CHRNA2: variants seen among roughly 807,000 people sequenced by gnomAD.
The protein encoded by CHRNA2 is cholinergic receptor nicotinic alpha 2 subunit.
In CHRNA2, 40 loss-of-function variants were observed where a neutral mutation model predicts 45.5. The ratio of observed to expected loss-of-function variants is 0.88; its 90% CI spans 0.68 to 1.15. The LOEUF (loss-of-function observed/expected upper bound fraction) is 1.15. Among genes scored for constraint, CHRNA2 ranks in the 50% most tolerant of loss-of-function variants. The pLI is 0.00. For synonymous variants in CHRNA2, 301 were observed against 296.7 expected (o/e 1.01, Z -0.15); for missense variants, 655 against 701.7 (o/e 0.93, Z 0.75).
At chr8:27,468,477 T>C (rs1417085285) in intron 4 of CHRNA2, among the ~76,000 whole-genome samples, 1 of 152,222 alleles carries the variant, frequency 6.6e-6, no homozygotes, top group African/African-American at 2.4e-5. Context: ...TCTATGACTG[T>C]CTGGACCAGT....
In CHRNA2 at chr8:27,463,659, G is replaced by T; in HGVS notation, c.784C>A (p.Arg262=). The change falls in exon 6 of 7, where the codon CGG becomes AGG. Residue 262 remains arginine (R), a synonymous_variant. Coordinates refer to ENST00000407991, the MANE Select transcript of CHRNA2 (RefSeq NM_000742.4). This position sits in a 1 kb window ranked among gnomAD's most constrained non-coding sequence, Gnocchi z 6.1. ...ATGGTGTAGAAGAGCGGCAGCCGCC[G>T]GATGACGAAGGCGTAGGTGACGTCG... ...YPDVTYAFVI[R]RLPLFYTINL... 1 of 1,614,142 alleles carries T rather than the reference G, an allele frequency of 6.2e-7. No homozygotes were observed. The highest frequency in any genetic ancestry group is 8.5e-7 in the Non-Finnish European group (1 of 1,180,036).
At chr8:27,466,903 C>T (rs934408097) in intron 5 of CHRNA2, among the ~76,000 whole-genome samples, 2 of 152,224 alleles carry the variant, frequency 1.3e-5, no homozygotes, top group African/African-American at 4.8e-5. Flanking sequence ...ACTGCCACCC[C>T]TCACAACTTC....
rs541282922 is a variant in CHRNA2, at chr8:27,467,331, C to T, written c.347G>A (p.Ser116Asn). 1.9e-6 allele frequency: 3 copies of T among 1,610,348 alleles called. No individual in the cohort carries two copies. The highest frequency in any genetic ancestry group is 1.7e-5 in the Admixed American group (1 of 60,018). Residue 116 changes from serine to asparagine, a missense_variant, in exon 5 of 7, where the codon AGC becomes AAC. Ser to Asn is a conservative substitution (Grantham distance 46). Around this residue, in one of 3 missense-constraint regions of CHRNA2, gnomAD observed 323 missense variants for 354.4 expected, o/e 0.91. Coordinates refer to ENST00000407991, the MANE Select transcript of CHRNA2 (RefSeq NM_000742.4). ...TTNVWLKQEW[S>N]DYKLRWNPTD... is the part of the protein sequence containing the mutation. ...GGGGTTCCAGCGCAGTTTGTAGTCG[C>T]TCCACTCCTGTGTGTGGGGAAGGAG... is the stretch of plus-strand genomic sequence containing the variant.
chr8:27,476,777 G>A (rs1161482318), intron 1 of CHRNA2, among the ~76,000 whole-genome samples: 2 of 152,178 alleles, frequency 1.3e-5, no homozygotes, highest in Non-Finnish European at 2.9e-5. Flanking sequence ...CAGGCGTGAA[G>A]TTTTTACTAG....
At chr8:27,472,611 T>C (rs1812923524) in intron 1 of CHRNA2, among the ~76,000 whole-genome samples, 1 of 152,156 alleles carries the variant, frequency 6.6e-6, no homozygotes, top group African/African-American at 2.4e-5. Context: ...GGCAAATCTA[T>C]AGAAACAGAA....
At chr8:27,476,473 A>C (rs1388977700) in intron 1 of CHRNA2, among the ~76,000 whole-genome samples, 1 of 152,066 alleles carries the variant, frequency 6.6e-6, no homozygotes, top group Non-Finnish European at 1.5e-5. Flanking sequence ...GAGTTTAGAG[A>C]CCCTAGTGTT....
At chr8:27,477,740 T>C (rs867726626) in intron 1 of CHRNA2, among the ~76,000 whole-genome samples, 1 of 151,796 alleles carries the variant, frequency 6.6e-6, no homozygotes, top group African/African-American at 2.4e-5. Context: ...AGTGGCTGGA[T>C]TGGCAGATTT....
intron 4 of CHRNA2, among the ~76,000 whole-genome samples, chr8:27,468,385 A>G (rs10453142): frequency 0.086 from 13,157 of 152,222 alleles, 1,384 homozygotes; most frequent in African/African-American, 0.26. Flanking sequence ...ACCCCCTGAT[A>G]GCTCCTGGGT....
intron 5 of CHRNA2, among the ~76,000 whole-genome samples, chr8:27,465,480 G>A (rs952539180): frequency 1.3e-5 from 2 of 152,124 alleles, no homozygotes; most frequent in African/African-American, 4.8e-5. Context: ...TTATCGGGCT[G>A]GAGTGCAGGG....
intron 4 of CHRNA2, 67 bp downstream of exon 4, chr8:27,469,268 C>A: frequency 6.8e-7 from 1 of 1,461,374 alleles, no homozygotes; most frequent in South Asian, 1.2e-5. Flanking sequence ...CGAAGAAGTC[C>A]TGGAGGGGTC....
rs145238683 is a variant in CHRNA2 at position 27,461,651 on chromosome 8, G to A, written c.1568C>T (p.Pro523Leu). 5.1e-5 allele frequency: 83 copies of A among 1,614,242 alleles called. No homozygotes were observed. The highest frequency in any genetic ancestry group is 1.6e-4 in the South Asian group (15 of 91,090). ...FLGTIGLFLP[P>L]FLAGMI ...CAGTCAGATCATTCCAGCTAGGAAC[G>A]GAGGCAGAAAGAGGCCGATGGTCCC... Residue 523 changes from proline (P) to leucine (L), a missense_variant, in exon 7 of 7, where the codon CCG becomes CTG. This residue lies in a region of CHRNA2 where 295 missense variants were observed against 280.4 expected (regional missense o/e 1.05). Coordinates refer to ENST00000407991, the MANE Select transcript of CHRNA2 (RefSeq NM_000742.4).
At chr8:27,470,377 C>T (rs755595455) in intron 2 of CHRNA2, among the ~76,000 whole-genome samples, 4 of 152,208 alleles carry the variant, frequency 2.6e-5, no homozygotes, top group Non-Finnish European at 5.9e-5. Flanking sequence ...CCAGGGTAAG[C>T]AGTCTCCCGT....
Position 27,463,679 on chromosome 8 carries a change from ACGT to A in CHRNA2, c.761_763del (p.Asp254del). 6.2e-7 allele frequency: 1 copy of A among 1,614,002 alleles called. No homozygotes were observed. Among genetic ancestry groups the A allele is most frequent in the Non-Finnish European group, 8.5e-7 (1 of 1,179,986 alleles). On this transcript the variant is annotated inframe_deletion, in exon 6 of 7. Transcript: ENST00000407991. This position sits in a 1 kb window ranked among gnomAD's most constrained non-coding sequence, Gnocchi z 6.1. The stretch of plus-strand genomic sequence containing the variant: ...CCGCCGGATGACGAAGGCGTAGGTG[ACGT>A]CGGGGTAGATCTCGGCGCAGCAGTC...
intron 5 of CHRNA2, among the ~76,000 whole-genome samples, chr8:27,464,917 C>G (rs2043063): frequency 0.85 from 129,243 of 152,150 alleles, 55,210 homozygotes; most frequent in Middle Eastern, 0.94. Flanking sequence ...CAACATCAGG[C>G]AGGCAGTTGG....
intron 1 of CHRNA2, among the ~76,000 whole-genome samples, chr8:27,474,601 G>T (rs761022765): frequency 6.6e-6 from 1 of 152,198 alleles, no homozygotes; most frequent in South Asian, 2.1e-4. Context: ...TCCCAGAATG[G>T]TGCCTCCAGG....
chr8:27,463,001 C>T lies in CHRNA2; in HGVS notation c.1442G>A (p.Arg481Gln), dbSNP rs748709506. 1.1e-5 allele frequency: 17 copies of T among 1,614,096 alleles called. No individual in the cohort carries two copies. The South Asian group carries it at 1.9e-4, about 18-fold the overall frequency. The stretch of plus-strand genomic sequence containing the variant: ...CACCGAAGAGTCAGCATCCTCAGAC[C>T]GCAGGTGGTCGGCAATGTAGTGCAC... ...EGVHYIADHL[R>Q]SEDADSSVKE... Residue 481 changes from arginine (R) to glutamine (Q), a missense_variant, in exon 6 of 7, where the codon CGG becomes CAG. Physicochemically the swap from Arg to Gln is conservative, Grantham distance 43 (BLOSUM62 1). Coordinates refer to ENST00000407991, the MANE Select transcript of CHRNA2 (RefSeq NM_000742.4). The surrounding 1 kb of genome is among the most constrained non-coding windows in gnomAD (Gnocchi z 6.1).
At chr8:27,477,417 A>AT (rs761458158) in intron 1 of CHRNA2, among the ~76,000 whole-genome samples, 37 of 151,864 alleles carry the variant, frequency 2.4e-4, no homozygotes, top group African/African-American at 3.4e-4. Context: ...TAAAAAGGAG[A>AT]TTTTTTTTTC....
chr8:27,469,677 C>G (rs892447964), intron 3 of CHRNA2, 84 bp downstream of exon 3: 438 of 1,531,226 alleles, frequency 2.9e-4, no homozygotes, highest in Non-Finnish European at 4.0e-5. Flanking sequence ...GAGGGCAGGG[C>G]TGGGGTAGAG....
Position 27,463,968 on chromosome 8 carries a change from G to T in CHRNA2, c.475C>A (p.His159Asn). The change falls in exon 6 of 7, where the codon CAC (histidine) becomes AAC (asparagine). Residue 159 changes from histidine to asparagine, a missense_variant. His to Asn is a moderately conservative substitution (Grantham distance 68). Coordinates refer to ENST00000407991, the MANE Select transcript of CHRNA2 (RefSeq NM_000742.4). This position sits in a 1 kb window ranked among gnomAD's most constrained non-coding sequence, Gnocchi z 6.1. ...NNADGEFAVT[H>N]MTKAHLFSTG... is the part of the protein sequence containing the mutation. ...GAGAAGAGGTGGGCCTTGGTCATGT[G>T]GGTCACTGCAAACTCCCCATCTGCA... The T allele has an allele frequency of 6.2e-7, 1 of 1,614,166 alleles. No homozygotes were observed. Among genetic ancestry groups the T allele is most frequent in the Non-Finnish European group, 8.5e-7 (1 of 1,180,028 alleles).
Sources: allele counts gnomAD v4.1 joint callset (sites outside exome capture counted in the v4.1 genomes callset), GRCh38; gene constraint gnomAD v4.1.1; regional missense constraint gnomAD v4.1.1; non-coding constraint Gnocchi (gnomAD v3.1); transcripts MANE v1.5; gene names NCBI Gene and HGNC (gene_info 2026-07-23, HGNC 2026-07-21).